Variants in VPS52 observed in about 807,000 individuals in gnomAD.
The protein encoded by VPS52 is VPS52 subunit of GARP complex.
Under a neutral mutation model 98.7 loss-of-function variants are expected in VPS52, and 56 were observed. The ratio of observed to expected loss-of-function variants is 0.57; its 90% CI spans 0.46 to 0.71. The LOEUF (loss-of-function observed/expected upper bound fraction) is 0.71, where lower values mean the gene tolerates loss of function less well. Among genes scored for constraint, VPS52 ranks in the 30% least tolerant of loss-of-function variants. VPS52 has a pLI of 0.00. For synonymous variants in VPS52, 348 were observed against 346.4 expected (o/e 1.00, Z -0.05); for missense variants, 742 against 925.9 (o/e 0.80, Z 2.58).
intron 14 of VPS52, 33 bp from the exon 15 acceptor site, chr6:33,264,136 C>A (rs755087840): frequency 6.2e-7 from 1 of 1,609,604 alleles, no homozygotes; most frequent in Non-Finnish European, 8.5e-7. Context: ...ATCACACCCA[C>A]CTCCTGGCCC....
At chr6:33,252,311 G>A (rs924389016) in intron 17 of VPS52, among the ~76,000 whole-genome samples, 15 of 152,152 alleles carry the variant, frequency 9.9e-5, no homozygotes, top group African/African-American at 3.4e-4. Context: ...AGGATAGGCC[G>A]GGCACAGTGG....
rs756454347 is a variant in VPS52, at chr6:33,251,494, T to C, written c.2025+24A>G. ...AATAATTAATGATGGGGGATCTGAGTGGGGCCTGGGACTTGCAGGTCACCT... is the reference window on the plus strand; with the variant it reads ...AATAATTAATGATGGGGGATCTGAGCGGGGCCTGGGACTTGCAGGTCACCT... On this transcript the variant is annotated intron_variant, in intron 19 of 19. Transcript: ENST00000445902. 9.0e-6 allele frequency: 13 copies of C among 1,439,434 alleles called. No homozygotes were observed. The Admixed American group carries it at 2.3e-4, about 25-fold the overall frequency. 89.2% of individuals were successfully genotyped at this position (1,439,434 alleles called of 1,614,324 possible).
At chr6:33,256,463 C>CAAAAAAAAAAAAAAA (rs9280385) in intron 17 of VPS52, among the ~76,000 whole-genome samples, 11 of 83,738 alleles carry the variant, frequency 1.3e-4, no homozygotes, top group Admixed American at 8.1e-4. Context: ...AAACCTGTCT[C>CAAAAAAAAAAAAAAA]AAAAAAAAAA....
intron 1 of VPS52, 148 bp downstream of exon 1, chr6:33,271,438 G>T: frequency 8.5e-7 from 1 of 1,181,914 alleles, no homozygotes; most frequent in Non-Finnish European, 1.2e-6. Context: ...TCAGGGTCGG[G>T]TCTGATCACA....
At chr6:33,271,081 T>A in intron 1 of VPS52, 1 of 288,194 alleles carries the variant, frequency 3.5e-6, no homozygotes, top group South Asian at 5.5e-5. Flanking sequence ...GGGTGTTCTA[T>A]CACACCTCTG....
intron 14 of VPS52, 125 bp from the exon 15 acceptor site, chr6:33,264,228 G>T: frequency 6.5e-7 from 1 of 1,531,820 alleles, no homozygotes; most frequent in Non-Finnish European, 9.0e-7. Context: ...TACCCACAGT[G>T]CACCACTCAC....
At chr6:33,271,908 T>C, upstream of VPS52, 1 of 1,092,038 alleles carries the variant, frequency 9.2e-7, no homozygotes, top group South Asian at 1.6e-5. Flanking sequence ...CTCTTACCTA[T>C]GAACCTTACG....
intron 11 of VPS52, among the ~76,000 whole-genome samples, chr6:33,266,968 A>C (rs952025393): frequency 6.6e-6 from 1 of 152,118 alleles, no homozygotes; most frequent in African/African-American, 2.4e-5. Context: ...TCTGACTGTC[A>C]TTCCCCTCAT....
At chr6:33,264,611 G>A in intron 13 of VPS52, 114 bp from the exon 14 acceptor site, 1 of 1,517,884 alleles carries the variant, frequency 6.6e-7, no homozygotes, top group Non-Finnish European at 9.0e-7. Context: ...GGGTTGGGGG[G>A]CAGTGGTTGG....
Position 33,251,940 on chromosome 6 carries a change from A to G in VPS52, c.1826T>C (p.Phe609Ser), listed in dbSNP as rs1220097418. ...CTTCACAAATGCCACTAAACCCCCA[A>G]AAGGGGGAGACAGCAACTCTTCAAT... is the stretch of plus-strand genomic sequence containing the variant. ...EFIEELLSPP[F>S]GGLVAFVKEA... Residue 609 changes from phenylalanine to serine, a missense_variant, in exon 18 of 20, where the codon TTT becomes TCT. Around this residue, in one of 2 missense-constraint regions of VPS52, gnomAD observed 590 missense variants for 793.3 expected, o/e 0.74. Transcript: ENST00000445902. The G allele has an allele frequency of 6.2e-7, 1 of 1,613,024 alleles. No homozygotes were observed. Among genetic ancestry groups the G allele is most frequent in the African/African-American group, 1.3e-5 (1 of 74,912 alleles).
intron 17 of VPS52, among the ~76,000 whole-genome samples, chr6:33,261,554 A>C (rs575357366): frequency 3.8e-4 from 58 of 152,276 alleles, no homozygotes; most frequent in African/African-American, 1.4e-3. Context: ...CTATACCCCT[A>C]TCTCTCGCCA....
chr6:33,269,933 G>A, intron 3 of VPS52, 66 bp downstream of exon 3: 1 of 1,603,872 alleles, frequency 6.2e-7, no homozygotes, highest in South Asian at 1.1e-5. Flanking sequence ...AAAAGCAAGA[G>A]ACTGTTGTTT....
chr6:33,271,350 C>A, intron 1 of VPS52: 1 of 705,634 alleles, frequency 1.4e-6, no homozygotes. Context: ...TATACTACTT[C>A]GTGACTCTAC....
chr6:33,262,452 A>G (rs1432214445), intron 17 of VPS52, among the ~76,000 whole-genome samples: 1 of 152,226 alleles, frequency 6.6e-6, no homozygotes, highest in East Asian at 1.9e-4. Context: ...ACTTTGGAGA[A>G]CAGTTTGAAG....
At chr6:33,259,746 A>G (rs1364026779) in intron 17 of VPS52, among the ~76,000 whole-genome samples, 1 of 152,108 alleles carries the variant, frequency 6.6e-6, no homozygotes, top group African/African-American at 2.4e-5. Flanking sequence ...GATCCCGAGC[A>G]TCTTTAGCAG....
chr6:33,267,743 A>C lies in VPS52; in HGVS notation c.934-4T>G. 1.2e-6 allele frequency: 2 copies of C among 1,612,948 alleles called. No individual in the cohort carries two copies. Among genetic ancestry groups the C allele is most frequent in the Non-Finnish European group, 1.7e-6 (2 of 1,180,006 alleles). ...CTTTCTCAGCGACTTCCTCATACTA[A>C]GGAAAGAGAAAAGAGAACTGATAAC... On this transcript the variant is annotated splice_polypyrimidine_tract_variant and splice_region_variant and intron_variant, in intron 9 of 19. Coordinates refer to ENST00000445902, the MANE Select transcript of VPS52 (RefSeq NM_022553.6). This position sits in a 1 kb window ranked among gnomAD's most constrained non-coding sequence, Gnocchi z 4.2.
chr6:33,251,393 A>G (rs1762219011), intron 19 of VPS52, 125 bp downstream of exon 19: 2 of 711,698 alleles, frequency 2.8e-6, no homozygotes, highest in Admixed American at 4.7e-5. Flanking sequence ...GGGCTCATAC[A>G]GAACTTTGGG....
chr6:33,259,338 G>A (rs1326875207), intron 17 of VPS52, among the ~76,000 whole-genome samples: 1 of 152,096 alleles, frequency 6.6e-6, no homozygotes, highest in Non-Finnish European at 1.5e-5. Flanking sequence ...TTAACTAAAG[G>A]TAAAGATCAG....
chr6:33,258,574 A>G (rs1161011563), intron 17 of VPS52, among the ~76,000 whole-genome samples: 1 of 152,138 alleles, frequency 6.6e-6, no homozygotes, highest in African/African-American at 2.4e-5. Flanking sequence ...AATAAAAAAT[A>G]CTAGCAGACT....
Sources: gnomAD v4.1 joint callset for allele counts (sites outside exome capture counted in the v4.1 genomes callset) on GRCh38, gnomAD v4.1.1 for gene constraint, gnomAD v4.1.1 regional missense constraint, Gnocchi (gnomAD v3.1) non-coding constraint, MANE v1.5 for transcripts, NCBI Gene and HGNC (gene_info 2026-07-23, HGNC 2026-07-21) for gene names.